OR14I1: variants seen among roughly 807,000 people sequenced by gnomAD.
The protein encoded by OR14I1 is olfactory receptor family 14 subfamily I member 1, also known as olfactory receptor 14I1.
For synonymous variants in OR14I1, 118 were observed against 71.1 expected (o/e 1.66, Z -3.32); for missense variants, 279 against 181.8 (o/e 1.53, Z -3.07).
the OR14I1 span, among the ~76,000 whole-genome samples, chr1:248,689,423 T>C: frequency 6.6e-6 from 1 of 152,214 alleles, no homozygotes; most frequent in South Asian, 2.1e-4. Flanking sequence ...CTGGTTTCTT[T>C]ACCAGATCCA....
the OR14I1 span, among the ~76,000 whole-genome samples, chr1:248,702,453 C>T: frequency 6.6e-6 from 1 of 152,188 alleles, no homozygotes; most frequent in Non-Finnish European, 1.5e-5. Flanking sequence ...TCTTTTCTCA[C>T]ATTCCACATC....
chr1:248,687,371 T>C, the OR14I1 span, among the ~76,000 whole-genome samples: 1 of 152,214 alleles, frequency 6.6e-6, no homozygotes, highest in Non-Finnish European at 1.5e-5. Context: ...GTTTCTGTAT[T>C]GCACATAGAC....
chr1:248,697,686 G>T, the OR14I1 span, among the ~76,000 whole-genome samples: 1 of 152,146 alleles, frequency 6.6e-6, no homozygotes. Context: ...GGGAGACTGA[G>T]GCAGGAGAAT....
chr1:248,698,125 A>C, the OR14I1 span, among the ~76,000 whole-genome samples: 1 of 152,164 alleles, frequency 6.6e-6, no homozygotes, highest in African/African-American at 2.4e-5. Flanking sequence ...ACCTTCCTGA[A>C]GTTCATCTAA....
chr1:248,689,403 T>A, the OR14I1 span, among the ~76,000 whole-genome samples: 1 of 152,236 alleles, frequency 6.6e-6, no homozygotes, highest in Non-Finnish European at 1.5e-5. Context: ...GGCCTCCTAC[T>A]GGACCCAGTC....
chr1:248,682,035 G>C, exon 1 of OR14I1: 3 of 781,066 alleles, frequency 3.8e-6, no homozygotes, highest in Non-Finnish European at 7.2e-6. Flanking sequence ...CAAGATAAGA[G>C]ATGGAGCTTC....
At chr1:248,684,119 C>T (rs61834348), upstream of OR14I1, among the ~76,000 whole-genome samples, 54 of 152,238 alleles carry the variant, frequency 3.5e-4, no homozygotes, top group South Asian at 0.011. Flanking sequence ...CAAAGGAGCA[C>T]TATCCCTGAT....
chr1:248,688,744 G>A, the OR14I1 span, among the ~76,000 whole-genome samples: 63 of 152,240 alleles, frequency 4.1e-4, no homozygotes, highest in African/African-American at 3.1e-4. Flanking sequence ...TGTGTTTAGC[G>A]GGAAGTTTCA....
chr1:248,685,130 CT>C (rs1661627022), upstream of OR14I1, among the ~76,000 whole-genome samples: 1 of 151,778 alleles, frequency 6.6e-6, no homozygotes, highest in Admixed American at 6.6e-5. Context: ...AAAAAGCTCT[CT>C]TTTTTCCACT....
downstream of OR14I1, chr1:248,681,318 T>C: frequency 3.1e-6 from 2 of 641,500 alleles, no homozygotes; most frequent in South Asian, 2.0e-5. Flanking sequence ...AAAGTATTTA[T>C]GCTTTTTTGG....
chr1:248,691,956 C>G, the OR14I1 span, among the ~76,000 whole-genome samples: 1 of 152,234 alleles, frequency 6.6e-6, no homozygotes, highest in African/African-American at 2.4e-5. Flanking sequence ...TCCCAGGTGC[C>G]TCCAGAGGCC....
the OR14I1 span, among the ~76,000 whole-genome samples, chr1:248,695,351 A>G: frequency 2.7e-5 from 4 of 148,482 alleles, no homozygotes; most frequent in African/African-American, 1.0e-4. Flanking sequence ...CTCCTGCCTC[A>G]GCCTCCCGAG....
downstream of OR14I1, among the ~76,000 whole-genome samples, chr1:248,679,065 A>G (rs1661518794): frequency 6.6e-6 from 1 of 152,232 alleles, no homozygotes; most frequent in Admixed American, 6.5e-5. Flanking sequence ...TACTTCATGT[A>G]GGTGAGCAGC....
rs753459291 is a variant in OR14I1, at chr1:248,682,162, GT to G, written c.142del (p.Thr48LeufsTer14). Reference sequence around the variant, plus strand: ...GGGTGTGTGAAGATGCTGATCGAGAGTGATGACTGCAATGATGAGCAGGTTC... The same window carrying G: ...GGGTGTGTGAAGATGCTGATCGAGAGGATGACTGCAATGATGAGCAGGTTC... On this transcript the variant is annotated frameshift_variant, in exon 1 of 1. Coordinates refer to ENST00000342623, the Ensembl canonical transcript of OR14I1. LOFTEE classifies it low-confidence loss of function (END_TRUNC). The G allele has an allele frequency of 9.0e-6, 7 of 781,032 alleles. No homozygotes were observed. The Admixed American group carries it at 1.2e-4, about 13-fold the overall frequency. The allele number at this position is 781,032 out of a possible 1,614,324, so 48.4% of individuals were successfully genotyped here.
exon 1 of OR14I1, chr1:248,681,674 G>T: frequency 1.3e-6 from 1 of 781,046 alleles, no homozygotes; most frequent in East Asian, 2.4e-5. Context: ...ATCATCATGA[G>T]AATAAAGCAT....
chr1:248,702,733 G>T, the OR14I1 span, among the ~76,000 whole-genome samples: 1 of 152,076 alleles, frequency 6.6e-6, no homozygotes, highest in African/African-American at 2.4e-5. Context: ...AAGCCAGAAT[G>T]ATGTGGGCCT....
At chr1:248,701,669 T>G in the OR14I1 span, among the ~76,000 whole-genome samples, 1 of 152,152 alleles carries the variant, frequency 6.6e-6, no homozygotes, top group African/African-American at 2.4e-5. Context: ...GTTTTGAAAT[T>G]GATACGAAGT....
chr1:248,692,953 A>G, the OR14I1 span, among the ~76,000 whole-genome samples: 1 of 152,078 alleles, frequency 6.6e-6, no homozygotes, highest in Admixed American at 6.5e-5. Context: ...GGGAGAGAAA[A>G]TGTTCACCAG....
At chr1:248,693,128 A>C in the OR14I1 span, among the ~76,000 whole-genome samples, 1 of 152,138 alleles carries the variant, frequency 6.6e-6, no homozygotes, top group Non-Finnish European at 1.5e-5. Flanking sequence ...GTGCCACATA[A>C]TCATTTTAAC....
Sources: allele counts gnomAD v4.1 joint callset (sites outside exome capture counted in the v4.1 genomes callset), GRCh38; gene constraint gnomAD v4.1.1; transcripts MANE v1.5; gene names NCBI Gene and HGNC (gene_info 2026-07-23, HGNC 2026-07-21).